ALMS1: variants seen among roughly 807,000 people sequenced by gnomAD.
ALMS1 encodes ALMS1 centrosome and basal body associated protein, also known as centrosome-associated protein ALMS1.
A neutral mutation model predicts 352.2 loss-of-function variants in ALMS1; 271 were observed. The ratio of observed to expected loss-of-function variants is 0.77; its 90% confidence interval spans 0.70 to 0.85. The LOEUF is 0.85. Ranked by LOEUF, ALMS1 falls within the 40% of genes least tolerant of loss-of-function variation. ALMS1 has a pLI of 0.00. For synonymous variants in ALMS1, 1,865 were observed against 1,761.2 expected (o/e 1.06, Z -1.48); for missense variants, 5,445 against 4,870.7 (o/e 1.12, Z -3.51).
In ALMS1 at chr2:73,490,377, T is replaced by G. The variant is rs1258413433; in HGVS notation, c.8418T>G (p.Phe2806Leu). 1 of 1,613,492 alleles carries G rather than the reference T, an allele frequency of 6.2e-7. No individual in the cohort carries two copies. The highest frequency in any genetic ancestry group is 1.7e-5 in the Admixed American group (1 of 59,932). The change falls in exon 10 of 23, where the codon TTT becomes TTG. Residue 2806 changes from phenylalanine (F) to leucine (L), a missense_variant. By Grantham distance (22) the Phe-to-Leu change is conservative. Coordinates refer to ENST00000613296, the MANE Select transcript of ALMS1 (RefSeq NM_001378454.1). ...QKLPVDFERS[F>L]QEEKPLERSD... ...TACCTGTTGATTTTGAGCGTTCTTT[T>G]CAAGAAGAAAAACCCTTAGAAAGAT... is the stretch of plus-strand genomic sequence containing the variant.
intron 9 of ALMS1, chr2:73,458,516 T>A (rs1672120739): frequency 2.0e-5 from 3 of 152,138 alleles, no homozygotes; most frequent in South Asian, 2.1e-4. Flanking sequence ...AGTATATGAA[T>A]AACAACCAAA....
intron 16 of ALMS1, among the ~76,000 whole-genome samples, chr2:73,598,698 G>C (rs1439786739): frequency 1.3e-5 from 2 of 152,012 alleles, no homozygotes; most frequent in Admixed American, 1.3e-4. Flanking sequence ...CATTATTCTG[G>C]GTTAGCCTCC....
rs181246138 is a variant in ALMS1, at chr2:73,582,537, G to A, written c.11547+9113G>A. 1.2e-3 allele frequency among the ~76,000 whole-genome samples: 177 copies of A among 152,130 alleles called. 1 individual carries two copies. The highest frequency in any genetic ancestry group is 3.5e-3 in the African/African-American group (145 of 41,506). ...TTGAACAACAACTGCCCTTGTCCCC[G>A]TCCCCCAGCTCCTGGTAACCACTAT... On this transcript the variant is annotated intron_variant, in intron 16 of 22. Coordinates refer to ENST00000613296, the MANE Select transcript of ALMS1 (RefSeq NM_001378454.1).
rs1468328132 is a variant in ALMS1 at position 73,432,298 on chromosome 2, A to G, written c.1432+7A>G. On this transcript the variant is annotated splice_region_variant and intron_variant, in intron 7 of 22. Coordinates refer to ENST00000613296, the MANE Select transcript of ALMS1 (RefSeq NM_001378454.1). ...CCTAAACATTTAAAAGCAGGTACGT[A>G]GAAAAAGGAGATAGTAAATGTCCTA... is the stretch of plus-strand genomic sequence containing the variant. The G allele has an allele frequency of 3.8e-6, 6 of 1,589,814 alleles. No homozygotes were observed. The highest frequency in any genetic ancestry group is 5.2e-6 in the Non-Finnish European group (6 of 1,158,254).
In ALMS1 at chr2:73,449,218, G is replaced by C; in HGVS notation, c.2691G>C (p.Lys897Asn). The C allele has an allele frequency of 6.2e-7, 1 of 1,614,090 alleles. No homozygotes were observed. The highest frequency in any genetic ancestry group is 1.1e-5 in the South Asian group (1 of 91,080). Residue 897 changes from lysine (K) to asparagine (N), a missense_variant, in exon 8 of 23, where the codon AAG becomes AAC. Lys to Asn is a moderately conservative substitution (Grantham distance 94). Coordinates refer to ENST00000613296, the MANE Select transcript of ALMS1 (RefSeq NM_001378454.1). ...VSIVPGPGDQ[K>N]TGIPSAPSSF... ...TTGTTCCTGGACCAGGTGATCAGAA[G>C]ACTGGGATACCCTCAGCACCATCTA...
At chr2:73,423,666 T>A (rs1397410917) in intron 4 of ALMS1, among the ~76,000 whole-genome samples, 1 of 152,224 alleles carries the variant, frequency 6.6e-6, no homozygotes, top group Non-Finnish European at 1.5e-5. Flanking sequence ...GATATCACTT[T>A]TATGAAAAGT....
intron 15 of ALMS1, among the ~76,000 whole-genome samples, chr2:73,570,548 A>G (rs1674905602): frequency 6.6e-6 from 1 of 152,218 alleles, no homozygotes; most frequent in South Asian, 2.1e-4. Flanking sequence ...AAGCTTGGCT[A>G]TGAAGAGGAG....
chr2:73,441,923 T>C (rs1481458030), intron 7 of ALMS1, among the ~76,000 whole-genome samples: 2 of 152,100 alleles, frequency 1.3e-5, no homozygotes, highest in Non-Finnish European at 2.9e-5. Context: ...AATAATCATA[T>C]GGGGGAAGTG....
At chr2:73,482,226 A>G (rs372616688) in intron 9 of ALMS1, among the ~76,000 whole-genome samples, 17 of 151,906 alleles carry the variant, frequency 1.1e-4, no homozygotes, top group South Asian at 6.2e-4. Context: ...GTCATAGATA[A>G]CTCTTATTAT....
Position 73,451,153 on chromosome 2 carries a change from A to T in ALMS1, c.4626A>T (p.Gln1542His), listed in dbSNP as rs201603580. The T allele has an allele frequency of 6.2e-7, 1 of 1,612,240 alleles. No homozygotes were observed. Among genetic ancestry groups the T allele is most frequent in the East Asian group, 2.2e-5 (1 of 44,750 alleles). The change falls in exon 8 of 23, where the codon CAA becomes CAT. Residue 1542 changes from glutamine (Q) to histidine (H), a missense_variant. Gln to His is a conservative substitution (Grantham distance 24). Transcript: ENST00000613296. ...SFYQLALLGS[Q>H]IPEEALRVSS... ...ACCAACTGGCATTGCTAGGTAGTCA[A>T]ATACCTGAAGAGGCTCTCAGAGTTT...
At chr2:73,561,476 T>C (rs896169480) in intron 15 of ALMS1, among the ~76,000 whole-genome samples, 1 of 152,202 alleles carries the variant, frequency 6.6e-6, no homozygotes, top group Non-Finnish European at 1.5e-5. Context: ...TCTTTCTTTT[T>C]AATTTTATTT....
chr2:73,520,409 A>G (rs1673652266), intron 11 of ALMS1, among the ~76,000 whole-genome samples: 1 of 152,218 alleles, frequency 6.6e-6, no homozygotes, highest in African/African-American at 2.4e-5. Flanking sequence ...GAGTATGTAT[A>G]TACTAAATAC....
At chr2:73,419,486 G>A (rs1572911267) in intron 3 of ALMS1, among the ~76,000 whole-genome samples, 168 bp downstream of exon 3, 1 of 152,102 alleles carries the variant, frequency 6.6e-6, no homozygotes. Flanking sequence ...TTACTGGCTA[G>A]CTGATCTAAT....
chr2:73,521,552 C>T (rs545023763), intron 11 of ALMS1, among the ~76,000 whole-genome samples: 129 of 124,836 alleles, frequency 1.0e-3, no homozygotes, highest in African/African-American at 3.6e-3. Context: ...CTGGCTAACA[C>T]AATGAAACCC....
chr2:73,531,416 C>T (rs1055223650), intron 11 of ALMS1, among the ~76,000 whole-genome samples: 13 of 152,184 alleles, frequency 8.5e-5, no homozygotes, highest in African/African-American at 2.9e-4. Context: ...TATGCCAGTT[C>T]CCAACAAGTT....
intron 11 of ALMS1, among the ~76,000 whole-genome samples, chr2:73,525,024 A>G (rs924670432): frequency 6.6e-6 from 1 of 152,182 alleles, no homozygotes; most frequent in African/African-American, 2.4e-5. Flanking sequence ...ATTTCACTTT[A>G]TATAATAACC....
rs372240184 is a variant in ALMS1 at position 73,579,063 on chromosome 2, C to CTTTTTTTTTTTTTTTTTTTTTTTTTTTTT, written c.11547+5646_11547+5647insTTTTTTTTTTTTTTTTTTTTTTTTTTTTT. ...GAATGTCTTTAATTTCTCCTTTATT[C>CTTTTTTTTTTTTTTTTTTTTTTTTTTTTT]TTTTTTTATTTATTTTTTTTTTTGA... On this transcript the variant is annotated intron_variant, in intron 16 of 22. Transcript: ENST00000613296. Among the ~76,000 whole-genome samples the CTTTTTTTTTTTTTTTTTTTTTTTTTTTTT allele has an allele frequency of 7.6e-5, 9 of 119,148 alleles. 2 individuals carry two copies. The highest frequency in any genetic ancestry group is 1.7e-4 in the Admixed American group (2 of 11,928). 78.2% of individuals were successfully genotyped at this position (119,148 alleles called of 152,430 possible).
intron 10 of ALMS1, among the ~76,000 whole-genome samples, chr2:73,503,810 C>T (rs1673265442): frequency 6.6e-6 from 1 of 152,068 alleles, no homozygotes; most frequent in Non-Finnish European, 1.5e-5. Flanking sequence ...TTTTAAAACT[C>T]AATAAGGTTG....
At chr2:73,391,219 C>T (rs1007081099) in intron 1 of ALMS1, among the ~76,000 whole-genome samples, 1 of 151,892 alleles carries the variant, frequency 6.6e-6, no homozygotes, top group African/African-American at 2.4e-5. Flanking sequence ...GAACCTCTCC[C>T]GTTTCTGCTC....
Sources: gnomAD v4.1 joint callset for allele counts (sites outside exome capture counted in the v4.1 genomes callset) on GRCh38, gnomAD v4.1.1 for gene constraint, MANE v1.5 for transcripts, NCBI Gene and HGNC (gene_info 2026-07-23, HGNC 2026-07-21) for gene names.